The following PLB1 variants were observed in gnomAD, a reference collection of about 807,000 sequenced individuals.
PLB1 encodes the protein phospholipase B1, membrane-associated.
In PLB1, 242 loss-of-function variants were observed where a neutral mutation model predicts 227.4. The observed-to-expected ratio is 1.06, with a 90% CI of 0.96 to 1.18. The LOEUF (loss-of-function observed/expected upper bound fraction) is 1.18, where lower values mean the gene tolerates loss of function less well. Among genes scored for constraint, PLB1 ranks in the 50% most tolerant of loss-of-function variants. The pLI is 0.00. For missense variants in PLB1, 1,858 were observed against 1,816.3 expected, an observed-to-expected ratio of 1.02 and a Z score of -0.42; for synonymous variants, 757 against 682.2, an observed-to-expected ratio of 1.11 and a Z score of -1.71.
intron 19 of PLB1, chr2:28,566,593 T>G: frequency 5.6e-6 from 3 of 534,208 alleles, no homozygotes; most frequent in Non-Finnish European, 3.4e-6. Context: ...AGCTGGCGTT[T>G]TGTTTGGATG....
intron 1 of PLB1, among the ~76,000 whole-genome samples, chr2:28,500,835 G>T (rs113177720): frequency 2.0e-5 from 3 of 152,176 alleles, no homozygotes; most frequent in African/African-American, 7.2e-5. Context: ...TTTTCATTTT[G>T]ATGCCAAAGT....
intron 33 of PLB1, chr2:28,595,287 C>T (rs1347488362): frequency 6.6e-6 from 1 of 152,196 alleles, no homozygotes; most frequent in African/African-American, 2.4e-5. Flanking sequence ...CCTTTAAACC[C>T]TTCATTTGTC....
intron 1 of PLB1, among the ~76,000 whole-genome samples, chr2:28,501,306 A>C (rs111922500): frequency 6.6e-6 from 1 of 152,184 alleles, no homozygotes; most frequent in African/African-American, 2.4e-5. Context: ...TGGAATTGCT[A>C]TGACAACACC....
At chr2:28,592,396 TCTC>T (rs777845526) in intron 31 of PLB1, among the ~76,000 whole-genome samples, 50 of 146,934 alleles carry the variant, frequency 3.4e-4, no homozygotes, top group Non-Finnish European at 6.6e-4. Flanking sequence ...TCCCTCCATC[TCTC>T]CTTCTCCCTT....
chr2:28,593,353 C>T (rs1407992922), intron 32 of PLB1, among the ~76,000 whole-genome samples: 4 of 152,202 alleles, frequency 2.6e-5, no homozygotes, highest in Admixed American at 2.0e-4. Context: ...ACGCTGGGAA[C>T]GACATTATTA....
At chr2:28,597,227 G>A (rs1683099966) in intron 33 of PLB1, among the ~76,000 whole-genome samples, 1 of 142,536 alleles carries the variant, frequency 7.0e-6, no homozygotes, top group Non-Finnish European at 1.5e-5. Context: ...TCACACCACT[G>A]CACTCCAGCC....
At chr2:28,533,170 G>A (rs539173784) in intron 9 of PLB1, among the ~76,000 whole-genome samples, 6 of 152,118 alleles carry the variant, frequency 3.9e-5, no homozygotes, top group African/African-American at 1.2e-4. Context: ...CTTCAAGTGC[G>A]CCACACTCCC....
rs751084603 is a variant in PLB1 at position 28,640,938 on chromosome 2, G to A, written c.4110G>A (p.Val1370=). 2 of 1,613,640 alleles carry A rather than the reference G, an allele frequency of 1.2e-6. No individual in the cohort carries two copies. The highest frequency in any genetic ancestry group is 8.5e-7 in the Non-Finnish European group (1 of 1,179,758). Reference sequence around the variant, plus strand: ...TTCTCTCTCTCCAGCTGGAACCAGTGGGCCGCAAGACTACCTCCAACAACT... The same window carrying A: ...TTCTCTCTCTCCAGCTGGAACCAGTAGGCCGCAAGACTACCTCCAACAACT... The part of the protein sequence containing the change: ...IALWNNMLEP[V]GRKTTSNNFT... Residue 1370 remains valine, a synonymous_variant, in exon 57 of 58, where the codon GTG becomes GTA. Transcript: ENST00000327757.
intron 1 of PLB1, among the ~76,000 whole-genome samples, chr2:28,509,804 T>C (rs966956509): frequency 2.6e-5 from 4 of 152,166 alleles, no homozygotes; most frequent in African/African-American, 7.2e-5. Context: ...TGGGGTTTGA[T>C]GATGCCACAG....
At chr2:28,608,497 C>T (rs1684994087) in intron 43 of PLB1, among the ~76,000 whole-genome samples, 1 of 152,224 alleles carries the variant, frequency 6.6e-6, no homozygotes, top group Admixed American at 6.5e-5. Context: ...CATCCGCAGT[C>T]TAACTGCTCA....
Position 28,552,470 on chromosome 2 carries a change from T to G in PLB1, c.1084-458T>G, listed in dbSNP as rs1211448596. On this transcript the variant is annotated intron_variant, in intron 16 of 57. Coordinates refer to ENST00000327757, the MANE Select transcript of PLB1 (RefSeq NM_153021.5). ...ATTTGTTCAACTAACAAATACTTGT[T>G]GAGCATCTGCTATGCCAGGCACTGT... 2.0e-5 allele frequency among the ~76,000 whole-genome samples: 3 copies of G among 152,368 alleles called. No homozygotes were observed. In the East Asian group the frequency reaches 5.8e-4, roughly 29 times the overall value.
rs535985807 is a variant in PLB1 at position 28,569,137 on chromosome 2, T to C, written c.1324+2298T>C. 2.0e-5 allele frequency among the ~76,000 whole-genome samples: 3 copies of C among 152,322 alleles called. No individual in the cohort carries two copies. In the East Asian group the frequency reaches 5.8e-4, roughly 29 times the overall value. On this transcript the variant is annotated intron_variant, in intron 20 of 57. Coordinates refer to ENST00000327757, the MANE Select transcript of PLB1 (RefSeq NM_153021.5). Reference sequence around the variant, plus strand: ...GGGTTCTAGCAGGCACTCTGCTGAATGGGGCCCTAAAGTCCTGGCTGCTAC... The same window carrying C: ...GGGTTCTAGCAGGCACTCTGCTGAACGGGGCCCTAAAGTCCTGGCTGCTAC...
chr2:28,637,340 A>G (rs1237802852), intron 56 of PLB1, among the ~76,000 whole-genome samples: 1 of 151,500 alleles, frequency 6.6e-6, no homozygotes, highest in Non-Finnish European at 1.5e-5. Flanking sequence ...AAACAATATC[A>G]GTGCCTGACC....
chr2:28,551,605 G>A (rs746059316), intron 16 of PLB1, among the ~76,000 whole-genome samples: 3 of 152,180 alleles, frequency 2.0e-5, no homozygotes, highest in Non-Finnish European at 4.4e-5. Context: ...CTGAGACGCA[G>A]CATGGCACAG....
chr2:28,555,808 A>G (rs1674982088), intron 17 of PLB1, among the ~76,000 whole-genome samples: 1 of 151,846 alleles, frequency 6.6e-6, no homozygotes, highest in Non-Finnish European at 1.5e-5. Flanking sequence ...AGAATTTTTC[A>G]CTAGGAATAT....
At chr2:28,566,508 C>T (rs931248326) in intron 19 of PLB1, 5 of 417,058 alleles carry the variant, frequency 1.2e-5, no homozygotes, top group Non-Finnish European at 2.2e-5. Flanking sequence ...ACTACTTCCC[C>T]TTTGAAAGCA....
At chr2:28,496,663 G>A (rs1205250255) in intron 1 of PLB1, among the ~76,000 whole-genome samples, 1 of 152,170 alleles carries the variant, frequency 6.6e-6, no homozygotes, top group Non-Finnish European at 1.5e-5. Flanking sequence ...CTTTAGTGCT[G>A]CTAAACAGAG....
intron 9 of PLB1, 123 bp downstream of exon 9, chr2:28,532,317 C>CATGGATGG (rs10656827): frequency 1.5e-4 from 91 of 597,878 alleles, no homozygotes; most frequent in African/African-American, 4.9e-4. Context: ...TATTTTAGAA[C>CATGGATGG]ATGGATGGAT....
chr2:28,589,626 A>G (rs770472152), intron 27 of PLB1, 49 bp from the exon 28 acceptor site: 11 of 1,607,032 alleles, frequency 6.8e-6, no homozygotes, highest in African/African-American at 2.7e-5. Flanking sequence ...TGTCACTTAT[A>G]TGATCCAGTG....
Sources: gnomAD v4.1 joint callset for allele counts (sites outside exome capture counted in the v4.1 genomes callset) on GRCh38, gnomAD v4.1.1 for gene constraint, MANE v1.5 for transcripts, NCBI Gene and HGNC (gene_info 2026-07-23, HGNC 2026-07-21) for gene names.